Variants in SMAD2 observed in about 807,000 individuals in gnomAD.
The protein encoded by SMAD2 is MAD homolog 2.
SMAD2 carries 8 observed loss-of-function variants against 64.4 expected under a neutral mutation model. That is an observed-to-expected ratio of 0.12 (90% CI 0.07 to 0.22). The LOEUF (loss-of-function observed/expected upper bound fraction) is 0.22. SMAD2 is among the 10% of genes least tolerant of loss of function. The pLI, the probability that SMAD2 is intolerant of heterozygous loss-of-function variation, is 1.00. For synonymous variants in SMAD2, 203 were observed against 195.8 expected, an observed-to-expected ratio of 1.04 and a Z score of -0.31; for missense variants, 289 against 561.2, an observed-to-expected ratio of 0.51 and a Z score of 4.90.
chr18:47,818,271 C>T lies in SMAD2; in HGVS notation c.*23556G>A, dbSNP rs1414285087. On this transcript the variant is annotated 3_prime_UTR_variant, in exon 11 of 11. Coordinates refer to ENST00000262160, the MANE Select transcript of SMAD2 (RefSeq NM_005901.6). ...GTCTTAAAGGGCCTTAAATTAATGG[C>T]TTTATAAATTATAATAGTTCCCTGG... is the stretch of plus-strand genomic sequence containing the variant. 1 of 152,114 alleles carries T rather than the reference C, an allele frequency of 6.6e-6. No individual in the cohort carries two copies. The highest frequency in any genetic ancestry group is 1.5e-5 in the Non-Finnish European group (1 of 68,028). 9.4% of individuals were successfully genotyped at this position (152,114 alleles called of 1,614,324 possible). A position where few individuals can be genotyped will look rare whatever the true frequency, so the allele number is the denominator to read the frequency against.
At chr18:47,842,768 C>T (rs1914098539) in intron 10 of SMAD2, among the ~76,000 whole-genome samples, 1 of 152,154 alleles carries the variant, frequency 6.6e-6, no homozygotes, top group Non-Finnish European at 1.5e-5. Context: ...CTTTCCCTGC[C>T]AAAGCCAATG....
intron 2 of SMAD2, among the ~76,000 whole-genome samples, chr18:47,896,162 C>G (rs930857140): frequency 6.6e-6 from 1 of 152,188 alleles, no homozygotes; most frequent in Non-Finnish European, 1.5e-5. Context: ...CCTCTTTTCA[C>G]CCCTGATGAA....
chr18:47,891,109 A>T (rs922555512), intron 2 of SMAD2, among the ~76,000 whole-genome samples: 3 of 152,180 alleles, frequency 2.0e-5, no homozygotes, highest in Admixed American at 6.5e-5. Flanking sequence ...GTTCGAAACC[A>T]GCCTGACCAA....
At chr18:47,854,750 G>T (rs2030508824) in intron 6 of SMAD2, among the ~76,000 whole-genome samples, 1 of 151,884 alleles carries the variant, frequency 6.6e-6, no homozygotes, top group African/African-American at 2.4e-5. Flanking sequence ...AAACTGAACA[G>T]AAAGTACAAA....
chr18:47,888,037 T>C (rs1293826933), intron 2 of SMAD2, among the ~76,000 whole-genome samples: 2 of 152,198 alleles, frequency 1.3e-5, no homozygotes, highest in Non-Finnish European at 2.9e-5. Flanking sequence ...CAATTTTGAA[T>C]GCAGGTTACT....
At chr18:47,860,915 T>G (rs1194606972) in intron 6 of SMAD2, among the ~76,000 whole-genome samples, 1 of 152,072 alleles carries the variant, frequency 6.6e-6, no homozygotes, top group Non-Finnish European at 1.5e-5. Flanking sequence ...TATCCACAAT[T>G]AACATCATAC....
chr18:47,896,940 A>AC (rs2033464097), intron 1 of SMAD2, 131 bp from the exon 2 acceptor site: 4 of 758,092 alleles, frequency 5.3e-6, no homozygotes, highest in Non-Finnish European at 8.7e-6. Context: ...AGACTTCTCC[A>AC]CCCATGAAAA....
chr18:47,813,890 G>A lies in SMAD2; in HGVS notation c.*27937C>T, dbSNP rs1269725457. The A allele has an allele frequency of 6.6e-6, 1 of 152,026 alleles. No individual in the cohort carries two copies. Among genetic ancestry groups the A allele is most frequent in the Non-Finnish European group, 1.5e-5 (1 of 68,034 alleles). The allele number at this position is 152,026 out of a possible 1,614,324, so 9.4% of individuals were successfully genotyped here. On this transcript the variant is annotated 3_prime_UTR_variant, in exon 11 of 11. Coordinates refer to ENST00000262160, the MANE Select transcript of SMAD2 (RefSeq NM_005901.6). The stretch of plus-strand genomic sequence containing the variant: ...TAATTTAACAAGAAAGGTAGGCATA[G>A]ATAGGCCTAATTATGATGAATGCTC...
At chr18:47,891,969 A>G (rs1226432593) in intron 2 of SMAD2, among the ~76,000 whole-genome samples, 1 of 152,192 alleles carries the variant, frequency 6.6e-6, no homozygotes, top group Non-Finnish European at 1.5e-5. Flanking sequence ...TTGGTCAATT[A>G]ATCTCTAAAA....
intron 2 of SMAD2, among the ~76,000 whole-genome samples, chr18:47,882,046 T>C (rs1486512200): frequency 2.6e-5 from 3 of 116,398 alleles, no homozygotes; most frequent in African/African-American, 9.4e-5. Context: ...CTTGGCTTTT[T>C]TTTTTTTTTT....
intron 1 of SMAD2, among the ~76,000 whole-genome samples, chr18:47,909,555 C>G (rs2034039114): frequency 6.6e-6 from 1 of 152,156 alleles, no homozygotes; most frequent in African/African-American, 2.4e-5. Flanking sequence ...AGCACCAGAT[C>G]TGAGGTAGGA....
At chr18:47,920,719 G>C (rs1006387851) in intron 1 of SMAD2, among the ~76,000 whole-genome samples, 4 of 152,232 alleles carry the variant, frequency 2.6e-5, no homozygotes, top group Admixed American at 6.5e-5. Flanking sequence ...TACAAATGTA[G>C]ATATTCTTTG....
chr18:47,876,228 G>A, intron 2 of SMAD2, among the ~76,000 whole-genome samples: 1 of 151,870 alleles, frequency 6.6e-6, no homozygotes, highest in Admixed American at 6.6e-5. Flanking sequence ...CTAACTTCAG[G>A]ATATTCTTAA....
chr18:47,890,514 C>A (rs573474345), intron 2 of SMAD2, among the ~76,000 whole-genome samples: 15 of 152,154 alleles, frequency 9.9e-5, no homozygotes, highest in Non-Finnish European at 2.1e-4. Flanking sequence ...AATCATATTC[C>A]TAGCTATAAT....
rs1912708962 is a variant in SMAD2 at position 47,825,266 on chromosome 18, A to C, written c.*16561T>G. The stretch of plus-strand genomic sequence containing the variant: ...GTCTGTCTCCCAAACTGTCCCTCAA[A>C]TGTATGATGAGATTTTATCTTCATT... On this transcript the variant is annotated 3_prime_UTR_variant, in exon 11 of 11. Transcript: ENST00000262160. 1 of 152,138 alleles carries C rather than the reference A, an allele frequency of 6.6e-6. No individual in the cohort carries two copies. Among genetic ancestry groups the C allele is most frequent in the African/African-American group, 2.4e-5 (1 of 41,408 alleles). The allele number at this position is 152,138 out of a possible 1,614,324, so 9.4% of individuals were successfully genotyped here.
At chr18:47,910,874 C>T (rs2034099703) in intron 1 of SMAD2, among the ~76,000 whole-genome samples, 1 of 152,152 alleles carries the variant, frequency 6.6e-6, no homozygotes, top group East Asian at 1.9e-4. Flanking sequence ...AAGTTATACA[C>T]AGATTCTTCA....
At chr18:47,858,787 G>A (rs112308707) in intron 6 of SMAD2, among the ~76,000 whole-genome samples, 2,609 of 152,088 alleles carry the variant, frequency 0.017, 67 homozygotes, top group African/African-American at 0.059. Context: ...ACTGGTAAAA[G>A]GCCAAGAGAG....
chr18:47,848,047 G>T (rs1914696500), intron 8 of SMAD2, among the ~76,000 whole-genome samples: 1 of 151,728 alleles, frequency 6.6e-6, no homozygotes, highest in African/African-American at 2.4e-5. Flanking sequence ...ACAGCAAGCA[G>T]ATTTCATTTA....
At chr18:47,894,842 T>C (rs6507789) in intron 2 of SMAD2, among the ~76,000 whole-genome samples, 151,523 of 152,330 alleles carry the variant, frequency 0.99, 75,362 homozygotes, top group East Asian at 1. Flanking sequence ...GGTTACCTAA[T>C]TGAAATCCCA....
Sources: gnomAD v4.1 joint callset for allele counts (sites outside exome capture counted in the v4.1 genomes callset) on GRCh38, gnomAD v4.1.1 for gene constraint, MANE v1.5 for transcripts, NCBI Gene and HGNC (gene_info 2026-07-23, HGNC 2026-07-21) for gene names.